The following AGBL4 variants were observed in gnomAD, a reference collection of about 807,000 sequenced individuals.
AGBL4 encodes AGBL carboxypeptidase 4.
A neutral mutation model predicts 66.4 loss-of-function variants in AGBL4; 58 were observed. The ratio of observed to expected loss-of-function variants is 0.87; its 90% CI spans 0.71 to 1.09. The LOEUF is 1.09. AGBL4 is among the 50% of genes least tolerant of loss of function. The pLI is 0.00. For synonymous variants in AGBL4, 234 were observed against 222.9 expected (o/e 1.05, Z -0.44); for missense variants, 579 against 631.0 (o/e 0.92, Z 0.88).
chr1:49,703,823 T>C (rs1400996741), intron 2 of AGBL4, among the ~76,000 whole-genome samples: 2 of 152,136 alleles, frequency 1.3e-5, no homozygotes, highest in East Asian at 1.9e-4. Context: ...GATTTTTCTA[T>C]GTAAAGAATA....
chr1:48,854,860 A>C (rs979052380), intron 6 of AGBL4, among the ~76,000 whole-genome samples: 1 of 152,174 alleles, frequency 6.6e-6, no homozygotes, highest in Admixed American at 6.5e-5. Context: ...CCATCGTGAG[A>C]CCACATGTGG....
At chr1:49,325,834 C>T (rs1645218907) in intron 3 of AGBL4, among the ~76,000 whole-genome samples, 1 of 152,130 alleles carries the variant, frequency 6.6e-6, no homozygotes, top group Non-Finnish European at 1.5e-5. Flanking sequence ...ATAGTGAGTT[C>T]TCATTAGATC....
chr1:49,984,775 CT>C (rs1659362241), intron 1 of AGBL4, among the ~76,000 whole-genome samples: 1 of 152,142 alleles, frequency 6.6e-6, no homozygotes, highest in Non-Finnish European at 1.5e-5. Flanking sequence ...ACAAAAGCAG[CT>C]TATGAAAGGG....
chr1:49,174,836 A>G (rs908249334), intron 4 of AGBL4: 7 of 150,556 alleles, frequency 4.6e-5, no homozygotes, highest in Admixed American at 1.3e-4. Context: ...AATGGCAGGG[A>G]AAAAAAAACA....
intron 4 of AGBL4, among the ~76,000 whole-genome samples, chr1:49,123,062 C>T (rs1187795039): frequency 6.6e-6 from 1 of 152,098 alleles, no homozygotes; most frequent in Non-Finnish European, 1.5e-5. Context: ...ACTATGTTGG[C>T]CAGGCTGGTC....
intron 4 of AGBL4, among the ~76,000 whole-genome samples, chr1:49,099,584 C>A (rs1248963794): frequency 6.6e-6 from 1 of 152,116 alleles, no homozygotes; most frequent in Non-Finnish European, 1.5e-5. Context: ...ATAACTTTGC[C>A]ATGGAAACAT....
Position 49,171,322 on chromosome 1 carries a change from G to A in AGBL4, c.377+74448C>T, listed in dbSNP as rs75654796. ...TAGTGGGTGGACAGATATGAGGTCT[G>A]AATATTCTGTTTCCATGTGTGTGGG... On this transcript the variant is annotated intron_variant, in intron 4 of 13. Transcript: ENST00000371839. 2.9e-3 allele frequency among the ~76,000 whole-genome samples: 434 copies of A among 152,270 alleles called. 3 individuals carry two copies. The highest frequency in any genetic ancestry group is 9.9e-3 in the African/African-American group (411 of 41,552).
chr1:49,463,209 A>G (rs529855890), intron 3 of AGBL4, among the ~76,000 whole-genome samples: 6 of 151,806 alleles, frequency 4.0e-5, no homozygotes, highest in Non-Finnish European at 8.9e-5. Context: ...TAAGTTTCAG[A>G]GTCAGGATTG....
intron 6 of AGBL4, chr1:48,776,936 G>C (rs1312146582): frequency 1.7e-6 from 1 of 575,386 alleles, no homozygotes; most frequent in African/African-American, 2.0e-5. Flanking sequence ...TGCTGGGGGG[G>C]GCGGGGGCGG....
intron 6 of AGBL4, among the ~76,000 whole-genome samples, chr1:48,847,937 A>T (rs1646955892): frequency 6.6e-6 from 1 of 152,228 alleles, no homozygotes; most frequent in Admixed American, 6.5e-5. Flanking sequence ...TCAAAGGAAC[A>T]TTAGCAGAAG....
At chr1:48,979,513 G>A (rs1241327356) in intron 5 of AGBL4, among the ~76,000 whole-genome samples, 1 of 152,116 alleles carries the variant, frequency 6.6e-6, no homozygotes, top group East Asian at 1.9e-4. Context: ...ACAGTGATAA[G>A]CGATAAGGTA....
intron 3 of AGBL4, among the ~76,000 whole-genome samples, chr1:49,411,141 G>A (rs1438790034): frequency 6.6e-6 from 1 of 152,196 alleles, no homozygotes; most frequent in South Asian, 2.1e-4. Flanking sequence ...CAACAGTGCA[G>A]CCTTCAGTCT....
intron 4 of AGBL4, among the ~76,000 whole-genome samples, chr1:49,227,525 G>GTA (rs1336048370): frequency 6.6e-6 from 1 of 152,040 alleles, no homozygotes; most frequent in Non-Finnish European, 1.5e-5. Flanking sequence ...CCCCAAGTAA[G>GTA]AGCCCATTCA....
intron 6 of AGBL4, among the ~76,000 whole-genome samples, chr1:48,855,470 C>T (rs1277849362): frequency 1.3e-5 from 2 of 152,198 alleles, no homozygotes; most frequent in African/African-American, 4.8e-5. Context: ...GTCCGAGTAA[C>T]ACCAATGTGA....
At chr1:49,818,575 C>G (rs1557477468) in intron 2 of AGBL4, among the ~76,000 whole-genome samples, 1 of 151,962 alleles carries the variant, frequency 6.6e-6, no homozygotes, top group Non-Finnish European at 1.5e-5. Context: ...CTATGTTTCC[C>G]AGGCTGCTCT....
chr1:48,927,170 T>C (rs1311767945), intron 5 of AGBL4, among the ~76,000 whole-genome samples: 1 of 152,128 alleles, frequency 6.6e-6, no homozygotes, highest in Non-Finnish European at 1.5e-5. Context: ...TCTGTTCTCA[T>C]ACTGCTAAAA....
At chr1:49,107,023 G>C (rs1164662632) in intron 4 of AGBL4, among the ~76,000 whole-genome samples, 1 of 152,026 alleles carries the variant, frequency 6.6e-6, no homozygotes, top group Non-Finnish European at 1.5e-5. Context: ...AGAAACAAAA[G>C]GTGAAGTTTC....
chr1:48,710,823 T>C (rs368125167), intron 6 of AGBL4, among the ~76,000 whole-genome samples: 119 of 152,228 alleles, frequency 7.8e-4, no homozygotes, highest in African/African-American at 2.8e-3. Context: ...TACAACCAGA[T>C]ATAAAACCAT....
At chr1:48,629,883 G>A (rs1199007072) in intron 9 of AGBL4, among the ~76,000 whole-genome samples, 6 of 152,098 alleles carry the variant, frequency 3.9e-5, no homozygotes, top group Non-Finnish European at 7.4e-5. Flanking sequence ...ATTGGGGAGG[G>A]GTTTGTGGTT....
Sources: allele counts gnomAD v4.1 joint callset (sites outside exome capture counted in the v4.1 genomes callset), GRCh38; gene constraint gnomAD v4.1.1; transcripts MANE v1.5; gene names NCBI Gene and HGNC (gene_info 2026-07-23, HGNC 2026-07-21).